The following IMMP2L variants were observed in gnomAD, a reference collection of about 807,000 sequenced individuals.
IMMP2L encodes the protein mitochondrial inner membrane protease subunit 2.
IMMP2L carries 18 observed loss-of-function variants against 19.3 expected under a neutral mutation model. The ratio of observed to expected loss-of-function variants is 0.93; its 90% CI spans 0.64 to 1.38. The LOEUF (loss-of-function observed/expected upper bound fraction) is 1.38, where lower values mean the gene tolerates loss of function less well. Ranked by LOEUF, IMMP2L falls within the 40% of genes most tolerant of loss-of-function variation. The probability of loss-of-function intolerance (pLI) is 0.00; values close to 1 mark genes in which losing one functional copy is unlikely to be tolerated. For missense variants in IMMP2L, 233 were observed against 218.2 expected (o/e 1.07, Z -0.43); for synonymous variants, 76 against 73.0 (o/e 1.04, Z -0.21).
intron 1 of IMMP2L, among the ~76,000 whole-genome samples, chr7:111,537,584 G>C (rs1461596085): frequency 7.2e-6 from 1 of 139,204 alleles, no homozygotes; most frequent in Non-Finnish European, 1.5e-5. Context: ...CACCCAGGCT[G>C]GAGTGCCGTG....
At chr7:111,163,151 T>C (rs1410643444) in intron 3 of IMMP2L, among the ~76,000 whole-genome samples, 1 of 152,078 alleles carries the variant, frequency 6.6e-6, no homozygotes, top group Non-Finnish European at 1.5e-5. Flanking sequence ...GGGAGACAAC[T>C]GTCACTCTCA....
chr7:110,973,399 A>G (rs1211088414), intron 3 of IMMP2L, among the ~76,000 whole-genome samples: 1 of 152,058 alleles, frequency 6.6e-6, no homozygotes, highest in Non-Finnish European at 1.5e-5. Flanking sequence ...AATCACAACC[A>G]TATCTCAACC....
chr7:111,226,111 CCT>C (rs1813065070), intron 3 of IMMP2L, among the ~76,000 whole-genome samples: 1 of 151,948 alleles, frequency 6.6e-6, no homozygotes, highest in African/African-American at 2.4e-5. Flanking sequence ...TTCCCCATTC[CCT>C]TTTTTTCCCA....
chr7:111,537,392 A>G (rs1847979159), intron 1 of IMMP2L, among the ~76,000 whole-genome samples: 1 of 152,176 alleles, frequency 6.6e-6, no homozygotes, highest in Non-Finnish European at 1.5e-5. Flanking sequence ...ATTCATGAAA[A>G]AAATAGAAAT....
At chr7:110,814,368 G>T (rs1019884439) in intron 5 of IMMP2L, among the ~76,000 whole-genome samples, 1 of 151,214 alleles carries the variant, frequency 6.6e-6, no homozygotes, top group Non-Finnish European at 1.5e-5. Flanking sequence ...TAGCTGAAGA[G>T]CATTGTTCTC....
At chr7:110,714,728 C>T (rs752632667) in intron 5 of IMMP2L, among the ~76,000 whole-genome samples, 7 of 152,150 alleles carry the variant, frequency 4.6e-5, no homozygotes, top group Admixed American at 1.3e-4. Flanking sequence ...TCCCACATAG[C>T]TGGGATTACA....
At chr7:111,425,139 T>G (rs1035880987) in intron 3 of IMMP2L, among the ~76,000 whole-genome samples, 1 of 151,832 alleles carries the variant, frequency 6.6e-6, no homozygotes, top group Non-Finnish European at 1.5e-5. Flanking sequence ...TTCCCCTTTC[T>G]GTTTTTCACA....
At chr7:111,502,541 C>A (rs970667349) in intron 2 of IMMP2L, among the ~76,000 whole-genome samples, 1 of 152,104 alleles carries the variant, frequency 6.6e-6, no homozygotes, top group Non-Finnish European at 1.5e-5. Context: ...CCACACCACA[C>A]CTATTCCAAA....
chr7:111,280,153 C>T lies in IMMP2L; in HGVS notation c.239+207085G>A, dbSNP rs372211875. ...GCCCTAAATGATCTGGCTTTCCCTT[C>T]GACATCGTCTCATTATTCTCATCCA... On this transcript the variant is annotated intron_variant, in intron 3 of 5. Transcript: ENST00000405709. Among the ~76,000 whole-genome samples the T allele has an allele frequency of 7.0e-4, 107 of 152,258 alleles. 1 individual carries two copies. Among genetic ancestry groups the T allele is most frequent in the African/African-American group, 2.1e-3 (87 of 41,566 alleles).
At chr7:111,414,110 C>T (rs986712978) in intron 3 of IMMP2L, among the ~76,000 whole-genome samples, 2 of 151,720 alleles carry the variant, frequency 1.3e-5, no homozygotes, top group Admixed American at 1.3e-4. Context: ...ACCCCCTCCT[C>T]AGGGGCTGGC....
At chr7:111,210,745 T>G (rs930828671) in intron 3 of IMMP2L, among the ~76,000 whole-genome samples, 8 of 152,124 alleles carry the variant, frequency 5.3e-5, no homozygotes, top group African/African-American at 1.9e-4. Flanking sequence ...ATGATATTAG[T>G]ATATTGAAAT....
At chr7:111,480,802 C>A (rs1284474764) in intron 3 of IMMP2L, among the ~76,000 whole-genome samples, 2 of 151,940 alleles carry the variant, frequency 1.3e-5, no homozygotes, top group Non-Finnish European at 2.9e-5. Context: ...TATATTTTCC[C>A]AGCTCAATTG....
intron 3 of IMMP2L, among the ~76,000 whole-genome samples, chr7:111,356,266 C>A (rs1828687850): frequency 2.6e-5 from 4 of 151,960 alleles, no homozygotes; most frequent in African/African-American, 9.6e-5. Context: ...TTCAAGCAAC[C>A]AAGGATTGAA....
At chr7:110,787,614 A>T (rs1800172180) in intron 5 of IMMP2L, among the ~76,000 whole-genome samples, 1 of 152,030 alleles carries the variant, frequency 6.6e-6, no homozygotes, top group Non-Finnish European at 1.5e-5. Context: ...TCAAAATCAC[A>T]TTTGAATTAA....
chr7:111,006,152 C>T (rs1007200863), intron 3 of IMMP2L, among the ~76,000 whole-genome samples: 1 of 152,074 alleles, frequency 6.6e-6, no homozygotes, highest in South Asian at 2.1e-4. Flanking sequence ...TTAATTGTCA[C>T]TGTCATCTTA....
At chr7:111,533,605 G>C (rs1242650520) in intron 1 of IMMP2L, among the ~76,000 whole-genome samples, 1 of 152,102 alleles carries the variant, frequency 6.6e-6, no homozygotes, top group Non-Finnish European at 1.5e-5. Context: ...ATTGGGAAGA[G>C]AAGTTGAATT....
intron 5 of IMMP2L, among the ~76,000 whole-genome samples, chr7:110,714,931 T>G (rs1305162072): frequency 6.6e-6 from 1 of 152,180 alleles, no homozygotes. Flanking sequence ...TTTTTGTTAC[T>G]GATTCAATTT....
Position 110,919,648 on chromosome 7 carries a change from C to T in IMMP2L, c.306-32953G>A, listed in dbSNP as rs190061083. Among the ~76,000 whole-genome samples the T allele has an allele frequency of 1.1e-4, 17 of 151,500 alleles. No individual in the cohort carries two copies. The South Asian group carries it at 1.5e-3, about 13-fold the overall frequency. On this transcript the variant is annotated intron_variant, in intron 4 of 5. Transcript: ENST00000405709. ...CTTTTAAAAAGGGTTTTGAAATGTG[C>T]GCATTTTCTTCAATCAAATTCACTT... is the stretch of plus-strand genomic sequence containing the variant.
chr7:110,706,249 T>C (rs1268248889), intron 5 of IMMP2L, among the ~76,000 whole-genome samples: 1 of 152,084 alleles, frequency 6.6e-6, no homozygotes, highest in Non-Finnish European at 1.5e-5. Context: ...ACTATGAGCA[T>C]GTGCCACCAT....
Sources: allele counts gnomAD v4.1 joint callset (sites outside exome capture counted in the v4.1 genomes callset), GRCh38; gene constraint gnomAD v4.1.1; transcripts MANE v1.5; gene names NCBI Gene and HGNC (gene_info 2026-07-23, HGNC 2026-07-21).